RBFOX1: variants seen among roughly 807,000 people sequenced by gnomAD.
RBFOX1 encodes the protein RNA binding protein fox-1 homolog 1.
Under a neutral mutation model 57.7 loss-of-function variants are expected in RBFOX1, and 8 were observed. That is an observed-to-expected ratio of 0.14 (90% CI 0.08 to 0.25). RBFOX1 has a LOEUF of 0.25. Ranked by LOEUF, RBFOX1 falls within the 10% of genes least tolerant of loss-of-function variation. The probability of loss-of-function intolerance (pLI) is 1.00; values close to 1 mark genes in which losing one functional copy is unlikely to be tolerated. For missense variants in RBFOX1, 611 were observed against 548.5 expected, an observed-to-expected ratio of 1.11 and a Z score of -1.14; for synonymous variants, 326 against 222.4, an observed-to-expected ratio of 1.47 and a Z score of -4.15.
chr16:7,564,742 C>A (rs2091279936), intron 5 of RBFOX1, among the ~76,000 whole-genome samples: 1 of 152,088 alleles, frequency 6.6e-6, no homozygotes, highest in Non-Finnish European at 1.5e-5. Flanking sequence ...GACACCTAGA[C>A]AAGGCTGTCT....
At chr16:6,793,857 C>G (rs1437282193) in intron 3 of RBFOX1, among the ~76,000 whole-genome samples, 1 of 152,042 alleles carries the variant, frequency 6.6e-6, no homozygotes, top group African/African-American at 2.4e-5. Flanking sequence ...TCTGGTATAG[C>G]TGATGGAAAT....
chr16:5,406,679 A>G (rs929127365), intron 1 of RBFOX1, among the ~76,000 whole-genome samples: 2 of 151,744 alleles, frequency 1.3e-5, no homozygotes, highest in African/African-American at 2.4e-5. Context: ...TGTGTGTTCT[A>G]TTGGTTCTGT....
chr16:7,330,769 A>G (rs1483307838), intron 4 of RBFOX1, among the ~76,000 whole-genome samples: 1 of 152,072 alleles, frequency 6.6e-6, no homozygotes, highest in African/African-American at 2.4e-5. Context: ...TTACAACACT[A>G]AAGAGACAAT....
intron 4 of RBFOX1, among the ~76,000 whole-genome samples, chr16:7,460,389 A>ATG (rs1235047786): frequency 0.01 from 903 of 87,210 alleles, 36 homozygotes; most frequent in Middle Eastern, 0.043. Flanking sequence ...ATATATATAT[A>ATG]TGTGTGTGTG....
chr16:7,657,838 A>G (rs1404848731), intron 12 of RBFOX1, among the ~76,000 whole-genome samples: 1 of 152,118 alleles, frequency 6.6e-6, no homozygotes, highest in Non-Finnish European at 1.5e-5. Flanking sequence ...AAACCAACCA[A>G]CTCCCAATTG....
chr16:7,117,573 C>T (rs961448399), intron 4 of RBFOX1, among the ~76,000 whole-genome samples: 1 of 152,134 alleles, frequency 6.6e-6, no homozygotes, highest in African/African-American at 2.4e-5. Flanking sequence ...TATAGTACCT[C>T]ATCTGAAAAA....
At chr16:6,508,147 AGT>A (rs543117575) in intron 2 of RBFOX1, among the ~76,000 whole-genome samples, 22 of 152,296 alleles carry the variant, frequency 1.4e-4, no homozygotes, top group Admixed American at 7.2e-4. Flanking sequence ...CTCACTTATA[AGT>A]GAGAGCTAAA....
chr16:6,438,437 C>T (rs903362811), intron 2 of RBFOX1, among the ~76,000 whole-genome samples: 6 of 152,176 alleles, frequency 3.9e-5, no homozygotes, highest in Admixed American at 3.3e-4. Context: ...TGACCACATC[C>T]TGTAGCCTCT....
chr16:5,734,578 T>G (rs997857967), intron 3 of RBFOX1, among the ~76,000 whole-genome samples: 6 of 152,156 alleles, frequency 3.9e-5, no homozygotes, highest in African/African-American at 1.4e-4. Context: ...TGTTTGATCC[T>G]CCAATGAATT....
intron 4 of RBFOX1, among the ~76,000 whole-genome samples, chr16:7,155,808 T>A (rs903859095): frequency 6.7e-6 from 1 of 150,132 alleles, no homozygotes; most frequent in African/African-American, 2.5e-5. Flanking sequence ...TATTCTAATA[T>A]TTGTATATGT....
intron 2 of RBFOX1, among the ~76,000 whole-genome samples, chr16:6,442,286 G>A (rs539593534): frequency 2.0e-5 from 3 of 152,210 alleles, no homozygotes; most frequent in East Asian, 3.9e-4. Flanking sequence ...GGCCGTGCAC[G>A]GTGGCTCACA....
At chr16:6,018,998 G>T (rs372746744), upstream of RBFOX1, 121 of 773,234 alleles carry the variant, frequency 1.6e-4, 1 homozygote, top group East Asian at 9.1e-3. Context: ...CGAGGGGAAG[G>T]GGGAGGGGGC....
intron 3 of RBFOX1, among the ~76,000 whole-genome samples, chr16:5,864,466 G>A (rs2057298589): frequency 6.6e-6 from 1 of 151,502 alleles, no homozygotes; most frequent in Non-Finnish European, 1.5e-5. Context: ...TCGGTTTGAT[G>A]TATCTCCTTT....
intron 3 of RBFOX1, among the ~76,000 whole-genome samples, chr16:5,779,253 T>C (rs1413603119): frequency 6.6e-6 from 1 of 152,190 alleles, no homozygotes; most frequent in Non-Finnish European, 1.5e-5. Context: ...TCAGTCTCTG[T>C]CCCTCTAAAC....
intron 4 of RBFOX1, among the ~76,000 whole-genome samples, chr16:7,270,596 T>TAAAAG (rs1306269450): frequency 6.6e-6 from 1 of 152,204 alleles, no homozygotes; most frequent in South Asian, 2.1e-4. Flanking sequence ...TCCTATGAGA[T>TAAAAG]AAAAGAAAAT....
At chr16:6,539,771 C>G (rs1259497912) in intron 2 of RBFOX1, among the ~76,000 whole-genome samples, 2 of 130,580 alleles carry the variant, frequency 1.5e-5, no homozygotes, top group Non-Finnish European at 3.4e-5. Flanking sequence ...GCACTCCAGC[C>G]TAGGCGGCAG....
intron 3 of RBFOX1, among the ~76,000 whole-genome samples, chr16:5,659,301 A>G (rs769968192): frequency 5.0e-5 from 7 of 140,974 alleles, no homozygotes; most frequent in African/African-American, 1.8e-4. Flanking sequence ...CCATTGGTAT[A>G]TCTTTTTTTT....
At chr16:5,774,420 C>A (rs537148017) in intron 3 of RBFOX1, among the ~76,000 whole-genome samples, 1 of 152,318 alleles carries the variant, frequency 6.6e-6, no homozygotes, top group Admixed American at 6.5e-5. Context: ...ATTATTTTCA[C>A]AGAGGCAGTA....
intron 1 of RBFOX1, among the ~76,000 whole-genome samples, chr16:5,300,660 A>G (rs2063781404): frequency 1.3e-5 from 2 of 152,170 alleles, no homozygotes; most frequent in Non-Finnish European, 2.9e-5. Flanking sequence ...TAAAATGTCA[A>G]CTTATGAATT....
Sources: allele counts gnomAD v4.1 joint callset (sites outside exome capture counted in the v4.1 genomes callset), GRCh38; gene constraint gnomAD v4.1.1; transcripts MANE v1.5; gene names NCBI Gene and HGNC (gene_info 2026-07-23, HGNC 2026-07-21).